The following ZNF100 variants were observed in gnomAD, a reference collection of about 807,000 sequenced individuals.
The protein encoded by ZNF100 is zinc finger protein 100, also known as zinc finger protein 100 (Y1).
A neutral mutation model predicts 15.8 loss-of-function variants in ZNF100; 12 were observed. The ratio of observed to expected loss-of-function variants is 0.76; its 90% CI spans 0.49 to 1.23. ZNF100 has a LOEUF of 1.23. Ranked by LOEUF, ZNF100 falls within the 50% of genes most tolerant of loss-of-function variation. ZNF100 has a pLI of 0.00. For missense variants in ZNF100, 670 were observed against 635.6 expected (o/e 1.05, Z -0.58); for synonymous variants, 226 against 214.8 (o/e 1.05, Z -0.45).
chr19:21,729,962 CAT>C (rs371421707), intron 4 of ZNF100, among the ~76,000 whole-genome samples: 7 of 151,848 alleles, frequency 4.6e-5, no homozygotes, highest in African/African-American at 1.4e-4. Context: ...CAAAAAAGAA[CAT>C]GTGTGTATAG....
chr19:21,759,156 G>A (rs2036439643), intron 2 of ZNF100, among the ~76,000 whole-genome samples: 1 of 152,270 alleles, frequency 6.6e-6, no homozygotes, highest in East Asian at 1.9e-4. Flanking sequence ...CTGGGCTACT[G>A]TTTAAAAACT....
chr19:21,754,436 C>G (rs1055906616), intron 2 of ZNF100, among the ~76,000 whole-genome samples: 4 of 152,016 alleles, frequency 2.6e-5, no homozygotes, highest in Admixed American at 2.6e-4. Flanking sequence ...TTCAGCATCC[C>G]TTCATGTTAA....
intron 1 of ZNF100, 36 bp from the exon 2 acceptor site, chr19:21,765,822 T>TAG: frequency 1.3e-6 from 2 of 1,578,250 alleles, no homozygotes; most frequent in East Asian, 4.5e-5. Context: ...TGACATTCAC[T>TAG]AGGCACTTTA....
intron 2 of ZNF100, among the ~76,000 whole-genome samples, chr19:21,755,989 C>T (rs557857674): frequency 6.6e-6 from 1 of 152,240 alleles, no homozygotes; most frequent in East Asian, 1.9e-4. Flanking sequence ...CACCAAACCA[C>T]CATGGCACAC....
At chr19:21,729,431 AG>A (rs2035874203) in intron 4 of ZNF100, among the ~76,000 whole-genome samples, 1 of 98,282 alleles carries the variant, frequency 1.0e-5, no homozygotes. Flanking sequence ...TACTTTCGGG[AG>A]GGGGGAGGGA....
At chr19:21,732,290 T>C (rs2035933921) in intron 4 of ZNF100, among the ~76,000 whole-genome samples, 1 of 152,218 alleles carries the variant, frequency 6.6e-6, no homozygotes, top group Admixed American at 6.5e-5. Context: ...TTCTCCCACA[T>C]AGAAGTAATG....
At chr19:21,729,402 C>T (rs1568289983) in intron 4 of ZNF100, among the ~76,000 whole-genome samples, 1 of 133,038 alleles carries the variant, frequency 7.5e-6, no homozygotes, top group Non-Finnish European at 1.6e-5. Context: ...AAAAACAACA[C>T]AGTCAAATAA....
chr19:21,738,238 G>A (rs2036043024), intron 4 of ZNF100, among the ~76,000 whole-genome samples: 1 of 108,068 alleles, frequency 9.3e-6, no homozygotes, highest in African/African-American at 3.6e-5. Flanking sequence ...GCGATAGAGT[G>A]ACACTATGTC....
chr19:21,739,157 A>G (rs1444354221), intron 4 of ZNF100, among the ~76,000 whole-genome samples: 1 of 152,218 alleles, frequency 6.6e-6, no homozygotes, highest in African/African-American at 2.4e-5. Flanking sequence ...AAACCATATC[A>G]CAGACAAACT....
chr19:21,727,355 A>G lies in ZNF100; in HGVS notation c.957T>C (p.Cys319=). 6.2e-7 allele frequency: 1 copy of G among 1,612,794 alleles called. No homozygotes were observed. Among genetic ancestry groups the G allele is most frequent in the South Asian group, 1.1e-5 (1 of 91,072 alleles). ...GGTTAAAAGCTTTGCCACATTCTGT[A>G]CATTTGTAGGGTTTCACTCCAGTAT... ...RIHTGVKPYK[C]TECGKAFNRS... The change falls in exon 5 of 5, where the codon TGT becomes TGC. Residue 319 remains cysteine, a synonymous_variant. Coordinates refer to ENST00000358296, the MANE Select transcript of ZNF100 (RefSeq NM_173531.4).
intron 1 of ZNF100, among the ~76,000 whole-genome samples, chr19:21,766,990 T>TCAAA (rs60164272): frequency 0.7 from 106,115 of 151,178 alleles, 37,441 homozygotes; most frequent in Middle Eastern, 0.77. Flanking sequence ...CGACTCCGTC[T>TCAAA]CAAACAAACA....
rs534837584 is a variant in ZNF100, at chr19:21,764,221, C to T, written c.96+1473G>A. ...AGCTCTGAGTCACTGGGACCAAGCT[C>T]TAATTTCCATGTTAAGAGTTATTCA... is the stretch of plus-strand genomic sequence containing the variant. On this transcript the variant is annotated intron_variant, in intron 2 of 4. Coordinates refer to ENST00000358296, the MANE Select transcript of ZNF100 (RefSeq NM_173531.4). Among the ~76,000 whole-genome samples the T allele has an allele frequency of 9.9e-5, 15 of 152,262 alleles. No individual in the cohort carries two copies. The South Asian group carries it at 2.7e-3, about 27-fold the overall frequency.
At position 21,727,648 on chromosome 19, in the gene ZNF100, G is replaced by A; in HGVS notation, c.664C>T (p.Gln222Ter). Residue 222 changes from glutamine to a stop codon, truncating the protein, a stop_gained, in exon 5 of 5, where the codon CAA becomes TAA. Transcript: ENST00000358296. LOFTEE classifies it low-confidence loss of function (END_TRUNC). ...TCTGTAATATGAAATCTTTTATGTT[G>A]AGTTAGGTGTAAAAGCATGCAAAAT... The part of the protein sequence containing the change: ...KSFCMLLHLT[Q>*]HKRFHITENS... 1 of 1,612,110 alleles carries A rather than the reference G, an allele frequency of 6.2e-7. No individual in the cohort carries two copies. Among genetic ancestry groups the A allele is most frequent in the Non-Finnish European group, 8.5e-7 (1 of 1,179,342 alleles).
chr19:21,767,304 G>A, intron 1 of ZNF100, 123 bp downstream of exon 1: 2 of 1,547,084 alleles, frequency 1.3e-6, no homozygotes, highest in Non-Finnish European at 1.8e-6. Flanking sequence ...CGGAGGCCGA[G>A]CTGGGCAAGG....
intron 1 of ZNF100, 40 bp from the exon 2 acceptor site, chr19:21,765,826 C>A: frequency 1.3e-6 from 2 of 1,571,346 alleles, no homozygotes; most frequent in Non-Finnish European, 1.8e-6. Flanking sequence ...ATTCACTAGG[C>A]ACTTTAGCTG....
At chr19:21,752,803 C>T (rs1196544487) in intron 2 of ZNF100, 1 of 152,106 alleles carries the variant, frequency 6.6e-6, no homozygotes, top group African/African-American at 2.4e-5. Context: ...ATGCTATAAA[C>T]CTTTGAAAAA....
At chr19:21,730,673 A>T (rs529821250) in intron 4 of ZNF100, among the ~76,000 whole-genome samples, 1 of 151,228 alleles carries the variant, frequency 6.6e-6, no homozygotes, top group African/African-American at 2.4e-5. Context: ...GGTATAGAGA[A>T]GATTCCTCAA....
chr19:21,728,836 T>C (rs923194796), intron 4 of ZNF100, among the ~76,000 whole-genome samples: 1 of 151,052 alleles, frequency 6.6e-6, no homozygotes, highest in African/African-American at 2.4e-5. Flanking sequence ...AAATTGAAAA[T>C]AAATTGAATA....
At position 21,767,520 on chromosome 19, in the gene ZNF100, A is replaced by G. The variant is rs2036585693; in HGVS notation, c.-91T>C. On this transcript the variant is annotated 5_prime_UTR_variant, in exon 1 of 5. Transcript: ENST00000358296. ...CCACACAGGCTAGGCCCCTAGGAGC[A>G]GAAGACACAGAGAAGTGAGAGCAAA... 1.3e-6 allele frequency: 2 copies of G among 1,575,102 alleles called. No individual in the cohort carries two copies. Among genetic ancestry groups the G allele is most frequent in the African/African-American group, 2.7e-5 (2 of 73,452 alleles).
Sources: allele counts gnomAD v4.1 joint callset (sites outside exome capture counted in the v4.1 genomes callset), GRCh38; gene constraint gnomAD v4.1.1; transcripts MANE v1.5; gene names NCBI Gene and HGNC (gene_info 2026-07-23, HGNC 2026-07-21).